ERBB2: variants seen among roughly 807,000 people sequenced by gnomAD.
The protein encoded by ERBB2 is erb-b2 receptor tyrosine kinase 2.
ERBB2 carries 61 observed loss-of-function variants against 149.0 expected under a neutral mutation model. That is an observed-to-expected ratio of 0.41 (90% CI 0.33 to 0.51). The LOEUF is 0.51. Among genes scored for constraint, ERBB2 ranks in the 20% least tolerant of loss-of-function variants. ERBB2 has a pLI of 0.25. For missense variants in ERBB2, 1,205 were observed against 1,655.1 expected, an observed-to-expected ratio of 0.73 and a Z score of 4.72; for synonymous variants, 633 against 678.8, an observed-to-expected ratio of 0.93 and a Z score of 1.05.
At chr17:39,700,455 C>G (rs2058028497) in intron 1 of ERBB2, 144 bp downstream of exon 1, 1 of 658,000 alleles carries the variant, frequency 1.5e-6, no homozygotes, top group Non-Finnish European at 2.2e-6. Context: ...ACGCTCAGGG[C>G]AGCCGGGCCC....
Position 39,723,937 on chromosome 17 carries a change from ATG to A in ERBB2, c.2237_2238del (p.Val746GlufsTer127), listed in dbSNP as rs1186391203. 4.3e-6 allele frequency: 7 copies of A among 1,614,040 alleles called. No homozygotes were observed. Among genetic ancestry groups the A allele is most frequent in the Non-Finnish European group, 5.9e-6 (7 of 1,179,944 alleles). On this transcript the variant is annotated frameshift_variant, in exon 19 of 27. Transcript: ENST00000269571. LOFTEE classifies it high-confidence loss of function. This position sits in a 1 kb window ranked among gnomAD's most constrained non-coding sequence, Gnocchi z 6.2. ...GGCATCTGGATCCCTGATGGGGAGA[ATG>A]TGAAAATTCCAGTGGCCATCAAAGT...
chr17:39,727,278 T>G lies in ERBB2; in HGVS notation c.3160-17T>G. ...TCCGTGAGTGACCCCCATCATGACTTTCTTTCTTGTCCCCAGAGTGGCGGT... is the reference window on the plus strand; with the variant it reads ...TCCGTGAGTGACCCCCATCATGACTGTCTTTCTTGTCCCCAGAGTGGCGGT... On this transcript the variant is annotated splice_polypyrimidine_tract_variant and intron_variant, in intron 25 of 26. Coordinates refer to ENST00000269571, the MANE Select transcript of ERBB2 (RefSeq NM_004448.4). The surrounding 1 kb of genome is among the most constrained non-coding windows in gnomAD (Gnocchi z 4.3). The G allele has an allele frequency of 6.2e-7, 1 of 1,611,346 alleles. No individual in the cohort carries two copies. Among genetic ancestry groups the G allele is most frequent in the Non-Finnish European group, 8.5e-7 (1 of 1,179,414 alleles).
intron 1 of ERBB2, among the ~76,000 whole-genome samples, 186 bp downstream of exon 1, chr17:39,700,497 C>G (rs754227517): frequency 1.3e-5 from 2 of 152,228 alleles, no homozygotes; most frequent in African/African-American, 2.4e-5. Flanking sequence ...GGCAGTTACA[C>G]GGCAGCGGCT....
intron 7 of ERBB2, among the ~76,000 whole-genome samples, chr17:39,711,407 G>A (rs1273793208): frequency 6.6e-6 from 1 of 152,096 alleles, no homozygotes; most frequent in Non-Finnish European, 1.5e-5. Flanking sequence ...GGCCAAGCTG[G>A]TCTCGAACTC....
In ERBB2 at chr17:39,715,266, T is replaced by C. The variant is rs772375672; in HGVS notation, c.1149-20T>C. The C allele has an allele frequency of 6.2e-7, 1 of 1,612,380 alleles. No individual in the cohort carries two copies. The highest frequency in any genetic ancestry group is 1.1e-5 in the South Asian group (1 of 91,008). ...CCACCCTGTTCCTGGCCCTGCTGAC[T>C]CCTCTCCTGACCCCTCCAGGGACCC... is the stretch of plus-strand genomic sequence containing the variant. On this transcript the variant is annotated intron_variant, in intron 9 of 26. Transcript: ENST00000269571.
intron 5 of ERBB2, 69 bp downstream of exon 5, chr17:39,709,950 C>A (rs2145496650): frequency 1.3e-6 from 2 of 1,518,102 alleles, no homozygotes; most frequent in Non-Finnish European, 1.8e-6. Flanking sequence ...AGGTGTCATA[C>A]AGGTGACATG....
chr17:39,722,679 C>T (rs555917831), intron 16 of ERBB2, among the ~76,000 whole-genome samples: 18 of 151,448 alleles, frequency 1.2e-4, no homozygotes, highest in South Asian at 6.3e-4. Context: ...TTTATCAGGA[C>T]GTAGCCCCTT....
At chr17:39,716,647 C>T (rs762890311) in intron 14 of ERBB2, 42 bp downstream of exon 14, 11 of 1,563,856 alleles carry the variant, frequency 7.0e-6, no homozygotes, top group South Asian at 2.2e-5. Context: ...AGGGGGGCAG[C>T]GAGGGGGATT....
At chr17:39,713,890 T>C (rs956812469) in intron 9 of ERBB2, among the ~76,000 whole-genome samples, 4 of 151,582 alleles carry the variant, frequency 2.6e-5, no homozygotes, top group Non-Finnish European at 5.9e-5. Context: ...ATCCCATCTC[T>C]ACAAAAAAAC....
At chr17:39,721,512 G>C (rs1245848307) in intron 16 of ERBB2, among the ~76,000 whole-genome samples, 1 of 152,180 alleles carries the variant, frequency 6.6e-6, no homozygotes, top group Admixed American at 6.5e-5. Context: ...GACCTCAGGT[G>C]ATCCACCTGC....
At chr17:39,691,128 G>C (rs1379735412), upstream of ERBB2, among the ~76,000 whole-genome samples, 1 of 152,108 alleles carries the variant, frequency 6.6e-6, no homozygotes, top group South Asian at 2.1e-4. Context: ...TACAATGTGG[G>C]TTCCTTATTC....
intron 7 of ERBB2, 121 bp from the exon 8 acceptor site, chr17:39,711,806 TG>T: frequency 3.5e-6 from 4 of 1,155,016 alleles, no homozygotes; most frequent in Admixed American, 1.8e-5. Flanking sequence ...CAGGTGCTGA[TG>T]CGTGGTAGGG....
In ERBB2 at chr17:39,719,845, A is replaced by G. The variant is rs746834274; in HGVS notation, c.1946+11A>G. On this transcript the variant is annotated intron_variant, in intron 16 of 26. Transcript: ENST00000269571. ...CGAGCAGAGAGCCAGGTTGGCCTGGACCCCAGGATGTACCCTTCATTGCCC... is the reference window on the plus strand; with the variant it reads ...CGAGCAGAGAGCCAGGTTGGCCTGGGCCCCAGGATGTACCCTTCATTGCCC... 3.4e-5 allele frequency: 55 copies of G among 1,613,728 alleles called. No individual in the cohort carries two copies. In the South Asian group the frequency reaches 5.9e-4, roughly 17 times the overall value.
chr17:39,725,586 C>T lies in ERBB2; in HGVS notation c.2726-121C>T. On this transcript the variant is annotated intron_variant, in intron 22 of 26. Coordinates refer to ENST00000269571, the MANE Select transcript of ERBB2 (RefSeq NM_004448.4). The surrounding 1 kb of genome is among the most constrained non-coding windows in gnomAD (Gnocchi z 4.6). The stretch of plus-strand genomic sequence containing the variant: ...TAGGGAAAGACCGGGTAGGGTCTGT[C>T]TCCTGGCATCACATCTCCCCCTGCT... The T allele has an allele frequency of 2.4e-6, 3 of 1,266,746 alleles. No homozygotes were observed. The highest frequency in any genetic ancestry group is 2.2e-6 in the Non-Finnish European group (2 of 905,664). The allele number at this position is 1,266,746 out of a possible 1,614,324, so 78.5% of individuals were successfully genotyped here. A position where few individuals can be genotyped will look rare whatever the true frequency, so the allele number is the denominator to read the frequency against.
At chr17:39,701,232 G>A (rs140826164) in intron 1 of ERBB2, among the ~76,000 whole-genome samples, 2 of 152,206 alleles carry the variant, frequency 1.3e-5, no homozygotes, top group East Asian at 3.9e-4. Context: ...GCCTGGGCCA[G>A]GTATACTCTG....
At chr17:39,717,729 G>A (rs2059218108) in intron 15 of ERBB2, 1 of 328,382 alleles carries the variant, frequency 3.0e-6, no homozygotes, top group Non-Finnish European at 5.6e-6. Flanking sequence ...ATTCTAATAT[G>A]TATATATAAG....
intron 19 of ERBB2, 121 bp from the exon 20 acceptor site, chr17:39,724,605 G>A (rs2145840820): frequency 2.4e-6 from 2 of 838,104 alleles, no homozygotes; most frequent in East Asian, 2.5e-5. Context: ...TGTTGTCCAG[G>A]CTGGTACTTT....
At chr17:39,714,091 A>G (rs973910724) in intron 9 of ERBB2, among the ~76,000 whole-genome samples, 3 of 149,878 alleles carry the variant, frequency 2.0e-5, no homozygotes, top group Non-Finnish European at 3.0e-5. Context: ...TCCCTTTCAC[A>G]CTTCCTTTAC....
intron 12 of ERBB2, 102 bp from the exon 13 acceptor site, chr17:39,716,199 C>T (rs2145668208): frequency 7.5e-7 from 1 of 1,331,432 alleles, no homozygotes; most frequent in Non-Finnish European, 1.0e-6. Context: ...CACCTGTCCC[C>T]ACCCCTCCAG....
Sources: allele counts gnomAD v4.1 joint callset (sites outside exome capture counted in the v4.1 genomes callset), GRCh38; gene constraint gnomAD v4.1.1; non-coding constraint Gnocchi (gnomAD v3.1); transcripts MANE v1.5; gene names NCBI Gene and HGNC (gene_info 2026-07-23, HGNC 2026-07-21).